Variants in TGM4 observed in about 807,000 individuals in gnomAD.
TGM4 encodes the protein protein-glutamine gamma-glutamyltransferase 4.
TGM4 carries 61 observed loss-of-function variants against 76.3 expected under a neutral mutation model. The ratio of observed to expected loss-of-function variants is 0.80; its 90% CI spans 0.65 to 0.99. The LOEUF is 0.99. Ranked by LOEUF, TGM4 falls within the 50% of genes least tolerant of loss-of-function variation. TGM4 has a pLI of 0.00. For synonymous variants in TGM4, 337 were observed against 329.8 expected, an observed-to-expected ratio of 1.02 and a Z score of -0.24; for missense variants, 794 against 843.2, an observed-to-expected ratio of 0.94 and a Z score of 0.72.
At chr3:44,912,627 CT>C (rs1304858007) in intron 13 of TGM4, among the ~76,000 whole-genome samples, 1 of 152,072 alleles carries the variant, frequency 6.6e-6, no homozygotes, top group African/African-American at 2.4e-5. Context: ...TTTAAAACAG[CT>C]GGGATTTAGA....
At position 44,901,802 on chromosome 3, in the gene TGM4, C is replaced by A; in HGVS notation, c.842C>A (p.Ala281Glu). ...CCCTGGATCATTTCAGTGCTGAGAG[C>A]GTTGGGCATCCCAGCACGCAGTGTG... is the stretch of plus-strand genomic sequence containing the variant. The part of the protein sequence containing the change: ...FAGILTTVLR[A>E]LGIPARSVTG... Residue 281 changes from alanine (A) to glutamate (E), a missense_variant, in exon 8 of 14, where the codon GCG becomes GAG. Transcript: ENST00000296125. The A allele has an allele frequency of 6.2e-7, 1 of 1,614,056 alleles. No homozygotes were observed. Among genetic ancestry groups the A allele is most frequent in the Non-Finnish European group, 8.5e-7 (1 of 1,179,970 alleles).
Position 44,901,559 on chromosome 3 carries a change from G to A in TGM4, c.693G>A (p.Gly231=), listed in dbSNP as rs1255246688. 6.2e-7 allele frequency: 1 copy of A among 1,613,386 alleles called. No homozygotes were observed. The highest frequency in any genetic ancestry group is 8.5e-7 in the Non-Finnish European group (1 of 1,179,622). ...SFEKGQGVLI[G]NWTGDYEGGT... ...AGAAAGGCCAGGGCGTGCTCATTGG[G>A]AATTGGACTGGGGACTACGAAGGTG... Residue 231 remains glycine, a synonymous_variant, in exon 7 of 14, where the codon GGG becomes GGA. Transcript: ENST00000296125.
At chr3:44,894,648 C>G (rs1240016348) in intron 5 of TGM4, among the ~76,000 whole-genome samples, 1 of 151,470 alleles carries the variant, frequency 6.6e-6, no homozygotes, top group Non-Finnish European at 1.5e-5. Flanking sequence ...CCCACCTCCC[C>G]TCCCCCAAGA....
intron 9 of TGM4, among the ~76,000 whole-genome samples, chr3:44,905,177 G>A (rs1342431772): frequency 1.3e-5 from 2 of 152,004 alleles, no homozygotes; most frequent in Non-Finnish European, 2.9e-5. Flanking sequence ...GTAGAGACAG[G>A]GTTTCACCCT....
intron 1 of TGM4, among the ~76,000 whole-genome samples, chr3:44,877,776 A>T (rs1421893639): frequency 6.6e-6 from 1 of 152,236 alleles, no homozygotes; most frequent in Non-Finnish European, 1.5e-5. Flanking sequence ...CTGAAATTAA[A>T]GATGCCCATA....
intron 1 of TGM4, among the ~76,000 whole-genome samples, chr3:44,881,854 G>A (rs1039622948): frequency 6.6e-6 from 1 of 152,150 alleles, no homozygotes; most frequent in Non-Finnish European, 1.5e-5. Context: ...CCATTGCAGA[G>A]ACTTTTGTTT....
intron 2 of TGM4, among the ~76,000 whole-genome samples, chr3:44,886,648 G>C (rs550292567): frequency 2.0e-5 from 3 of 152,158 alleles, no homozygotes; most frequent in Non-Finnish European, 1.5e-5. Context: ...CTGAGTACTT[G>C]CCACATGCCA....
intron 5 of TGM4, among the ~76,000 whole-genome samples, chr3:44,894,955 A>G (rs577134807): frequency 1.2e-4 from 19 of 152,256 alleles, no homozygotes; most frequent in African/African-American, 4.3e-4. Flanking sequence ...CAGGAGGGGT[A>G]GGGAAGAAGG....
At position 44,901,549 on chromosome 3, in the gene TGM4, T is replaced by G; in HGVS notation, c.683T>G (p.Val228Gly). 1 of 1,612,466 alleles carries G rather than the reference T, an allele frequency of 6.2e-7. No individual in the cohort carries two copies. The highest frequency in any genetic ancestry group is 8.5e-7 in the Non-Finnish European group (1 of 1,178,880). Reference sequence around the variant, plus strand: ...ATGAGCTTTGAGAAAGGCCAGGGCGTGCTCATTGGGAATTGGACTGGGGAC... The same window carrying G: ...ATGAGCTTTGAGAAAGGCCAGGGCGGGCTCATTGGGAATTGGACTGGGGAC... ...AMMSFEKGQG[V>G]LIGNWTGDYE... Residue 228 changes from valine (V) to glycine (G), a missense_variant, in exon 7 of 14, where the codon GTG becomes GGG. Val to Gly is a moderately radical substitution (Grantham distance 109, BLOSUM62 -3). Coordinates refer to ENST00000296125, the MANE Select transcript of TGM4 (RefSeq NM_003241.4).
At chr3:44,879,405 C>T (rs1699500195) in intron 1 of TGM4, among the ~76,000 whole-genome samples, 1 of 151,364 alleles carries the variant, frequency 6.6e-6, no homozygotes. Context: ...CTCCCCGGTT[C>T]AAGCAATTCT....
chr3:44,903,831 C>T, intron 8 of TGM4, 53 bp from the exon 9 acceptor site: 2 of 1,534,756 alleles, frequency 1.3e-6, no homozygotes, highest in Non-Finnish European at 1.8e-6. Context: ...GTATTTATCT[C>T]TAACTAGGTT....
At chr3:44,908,172 T>C (rs1341726473) in intron 10 of TGM4, among the ~76,000 whole-genome samples, 1 of 152,158 alleles carries the variant, frequency 6.6e-6, no homozygotes, top group Non-Finnish European at 1.5e-5. Flanking sequence ...AGGCAAGTGA[T>C]TGATGGCTAC....
intron 6 of TGM4, chr3:44,899,335 C>T (rs1014786393): frequency 6.6e-6 from 1 of 152,214 alleles, no homozygotes; most frequent in African/African-American, 2.4e-5. Flanking sequence ...AGTGCTCCTT[C>T]CTAGTGCCCT....
chr3:44,897,592 A>G (rs1166055998), intron 6 of TGM4, among the ~76,000 whole-genome samples: 2 of 152,198 alleles, frequency 1.3e-5, no homozygotes, highest in Non-Finnish European at 2.9e-5. Context: ...CTTGGAAGTC[A>G]GTTTGTTCAG....
intron 8 of TGM4, 37 bp from the exon 9 acceptor site, chr3:44,903,847 G>T: frequency 6.3e-7 from 1 of 1,586,250 alleles, no homozygotes; most frequent in Non-Finnish European, 8.7e-7. Flanking sequence ...AGGTTTGGGG[G>T]TGGTCCGGGG....
intron 1 of TGM4, among the ~76,000 whole-genome samples, chr3:44,883,645 C>CT (rs1699561690): frequency 6.6e-6 from 1 of 152,246 alleles, no homozygotes; most frequent in South Asian, 2.1e-4. Flanking sequence ...GTGGGCCTCC[C>CT]TGCTGGAGGC....
chr3:44,898,270 G>A (rs561461521), intron 6 of TGM4, among the ~76,000 whole-genome samples: 111 of 115,642 alleles, frequency 9.6e-4, no homozygotes, highest in African/African-American at 3.7e-3. Context: ...GACAGAGCGA[G>A]ACTCTGTCTC....
chr3:44,896,703 A>C lies in TGM4; in HGVS notation c.550-6A>C. The C allele has an allele frequency of 6.2e-7, 1 of 1,613,950 alleles. No individual in the cohort carries two copies. The highest frequency in any genetic ancestry group is 1.1e-5 in the South Asian group (1 of 91,072). On this transcript the variant is annotated splice_polypyrimidine_tract_variant and splice_region_variant and intron_variant, in intron 5 of 13. Transcript: ENST00000296125. ...TAACTGCCTCTTTCTTCATTTCCCA[A>C]AATAGTTTGAGAAAAATGTCCTGGA...
At chr3:44,911,240 TC>T in intron 12 of TGM4, 29 bp from the exon 13 acceptor site, 1 of 1,613,576 alleles carries the variant, frequency 6.2e-7, no homozygotes, top group Non-Finnish European at 8.5e-7. Flanking sequence ...ATATCTTCTC[TC>T]CCCATCTCTC....
Sources: allele counts gnomAD v4.1 joint callset (sites outside exome capture counted in the v4.1 genomes callset), GRCh38; gene constraint gnomAD v4.1.1; transcripts MANE v1.5; gene names NCBI Gene and HGNC (gene_info 2026-07-23, HGNC 2026-07-21).